LDLRAD3: variants seen among roughly 807,000 people sequenced by gnomAD.
LDLRAD3 encodes low density lipoprotein receptor class A domain containing 3.
In LDLRAD3, 20 loss-of-function variants were observed where a neutral mutation model predicts 29.4. That is an observed-to-expected ratio of 0.68 (90% CI 0.48 to 0.99). The LOEUF (loss-of-function observed/expected upper bound fraction) is 0.99, where lower values mean the gene tolerates loss of function less well. LDLRAD3 is among the 50% of genes least tolerant of loss of function. The pLI is 0.00. For missense variants in LDLRAD3, 420 were observed against 454.3 expected, an observed-to-expected ratio of 0.92 and a Z score of 0.69; for synonymous variants, 157 against 192.7, an observed-to-expected ratio of 0.81 and a Z score of 1.53.
rs1224349903 is a variant in LDLRAD3 at position 36,056,201 on chromosome 11, G to A, written c.193+19952G>A. On this transcript the variant is annotated intron_variant, in intron 2 of 5. Coordinates refer to ENST00000315571, the MANE Select transcript of LDLRAD3 (RefSeq NM_174902.4). ...GTAGAGACAGGGTTTCACCATGTTGGTCAGGCTGGTCTCGAACTCCTGACT... is the reference window on the plus strand; with the variant it reads ...GTAGAGACAGGGTTTCACCATGTTGATCAGGCTGGTCTCGAACTCCTGACT... 2.0e-5 allele frequency among the ~76,000 whole-genome samples: 3 copies of A among 151,986 alleles called. No individual in the cohort carries two copies. In the East Asian group the frequency reaches 5.8e-4, roughly 29 times the overall value.
chr11:36,087,260 GAT>G (rs1218935908), intron 3 of LDLRAD3, among the ~76,000 whole-genome samples: 2 of 152,134 alleles, frequency 1.3e-5, no homozygotes, highest in African/African-American at 2.4e-5. Flanking sequence ...AAAAAATTGA[GAT>G]AGAGAAATTT....
rs1011782860 is a variant in LDLRAD3 at position 36,036,303 on chromosome 11, G to A, written c.193+54G>A. On this transcript the variant is annotated intron_variant, in intron 2 of 5. Transcript: ENST00000315571. ...GGGTGGCAGCCATCCTGGGGCAGAGGGGAGCAGGTCCTGAGCAGGCTTAGA... is the reference window on the plus strand; with the variant it reads ...GGGTGGCAGCCATCCTGGGGCAGAGAGGAGCAGGTCCTGAGCAGGCTTAGA... 1.6e-5 allele frequency: 25 copies of A among 1,607,782 alleles called. No individual in the cohort carries two copies. The African/African-American group carries it at 3.2e-4, about 21-fold the overall frequency.
At chr11:36,067,705 CTG>C (rs1266744710) in intron 2 of LDLRAD3, among the ~76,000 whole-genome samples, 1 of 152,220 alleles carries the variant, frequency 6.6e-6, no homozygotes, top group African/African-American at 2.4e-5. Flanking sequence ...GGATCTTGCT[CTG>C]TCACCCACGC....
At chr11:36,163,140 G>A (rs1854467085) in intron 4 of LDLRAD3, among the ~76,000 whole-genome samples, 2 of 152,264 alleles carry the variant, frequency 1.3e-5, no homozygotes, top group South Asian at 4.1e-4. Flanking sequence ...GGGCGGATCA[G>A]CAAAAGGTCT....
At chr11:36,036,903 A>G (rs887739737) in intron 2 of LDLRAD3, among the ~76,000 whole-genome samples, 11 of 152,098 alleles carry the variant, frequency 7.2e-5, no homozygotes, top group Non-Finnish European at 1.5e-4. Flanking sequence ...CATGACGCCG[A>G]AACATGCATG....
rs1421266763 is a variant in LDLRAD3 at position 36,227,445 on chromosome 11, G to C, written c.800+15G>C. ...CTGGACCAGAGGTGTGTGCTGGATG[G>C]AAGAGATTGAGGCGGGAGAGGTCAT... On this transcript the variant is annotated intron_variant, in intron 5 of 5. Coordinates refer to ENST00000315571, the MANE Select transcript of LDLRAD3 (RefSeq NM_174902.4). The C allele has an allele frequency of 5.2e-6, 8 of 1,525,406 alleles. No individual in the cohort carries two copies. The highest frequency in any genetic ancestry group is 1.4e-5 in the African/African-American group (1 of 72,534). 94.5% of individuals were successfully genotyped at this position (1,525,406 alleles called of 1,614,324 possible). A position where few individuals can be genotyped will look rare whatever the true frequency, so the allele number is the denominator to read the frequency against.
At chr11:36,017,804 A>G (rs538345903) in intron 1 of LDLRAD3, among the ~76,000 whole-genome samples, 9 of 152,272 alleles carry the variant, frequency 5.9e-5, no homozygotes, top group African/African-American at 2.2e-4. Context: ...AATTATAGGC[A>G]TGAGCCACTA....
intron 4 of LDLRAD3, among the ~76,000 whole-genome samples, chr11:36,193,750 G>A (rs1362542780): frequency 6.6e-6 from 1 of 152,130 alleles, no homozygotes; most frequent in Non-Finnish European, 1.5e-5. Context: ...AGCAGCCTTT[G>A]GGGCTATAGC....
chr11:36,020,064 A>T (rs1358987), intron 1 of LDLRAD3, among the ~76,000 whole-genome samples: 15,392 of 152,064 alleles, frequency 0.1, 913 homozygotes, highest in African/African-American at 0.16. Flanking sequence ...ATGTTATCAC[A>T]TGCAAAGTCC....
intron 4 of LDLRAD3, among the ~76,000 whole-genome samples, chr11:36,205,426 A>G (rs1855193129): frequency 6.6e-6 from 1 of 152,156 alleles, no homozygotes; most frequent in Admixed American, 6.5e-5. Flanking sequence ...TCCCTGATGA[A>G]GGGCTGTTGA....
Position 36,071,019 on chromosome 11 carries a change from C to T in LDLRAD3, c.194-10634C>T, listed in dbSNP as rs1007954858. Among the ~76,000 whole-genome samples the T allele has an allele frequency of 4.6e-5, 7 of 152,078 alleles. No homozygotes were observed. The East Asian group carries it at 5.8e-4, about 13-fold the overall frequency. On this transcript the variant is annotated intron_variant, in intron 2 of 5. Transcript: ENST00000315571. The stretch of plus-strand genomic sequence containing the variant: ...CCAGCAAAGATCGATGCCCTGTACC[C>T]GGTGCAAATTTAGAATGATAAAAAG...
Position 36,144,121 on chromosome 11 carries a change from G to A in LDLRAD3, c.454+45660G>A, listed in dbSNP as rs993618737. Among the ~76,000 whole-genome samples, 406 of 152,114 alleles carry A rather than the reference G, an allele frequency of 2.7e-3. 2 individuals are homozygous for A. Among genetic ancestry groups the A allele is most frequent in the African/African-American group, 9.3e-3 (387 of 41,548 alleles). On this transcript the variant is annotated intron_variant, in intron 4 of 5. Coordinates refer to ENST00000315571, the MANE Select transcript of LDLRAD3 (RefSeq NM_174902.4). The stretch of plus-strand genomic sequence containing the variant: ...TTTTCGTATTTTTTTGGTGGAGACG[G>A]GGTTTCGCTGTGTTGGCTGGGCTGG...
At chr11:36,007,417 A>T (rs1851899000) in intron 1 of LDLRAD3, among the ~76,000 whole-genome samples, 1 of 152,138 alleles carries the variant, frequency 6.6e-6, no homozygotes, top group Admixed American at 6.5e-5. Context: ...TCACTTAAGT[A>T]AATTAGAACC....
intron 4 of LDLRAD3, among the ~76,000 whole-genome samples, chr11:36,155,502 G>A (rs1854335284): frequency 6.6e-6 from 1 of 152,132 alleles, no homozygotes; most frequent in African/African-American, 2.4e-5. Context: ...CCCCACGCTG[G>A]CCTCCGTGCC....
chr11:36,223,750 A>C (rs1855460955), intron 4 of LDLRAD3, among the ~76,000 whole-genome samples: 1 of 67,512 alleles, frequency 1.5e-5, no homozygotes, highest in East Asian at 4.0e-4. Flanking sequence ...AAAAGGAATA[A>C]AAAATAAAAA....
chr11:36,089,915 AATT>A (rs1302409730), intron 3 of LDLRAD3, among the ~76,000 whole-genome samples: 1 of 151,892 alleles, frequency 6.6e-6, no homozygotes, highest in Non-Finnish European at 1.5e-5. Flanking sequence ...CCTGGCTAAT[AATT>A]ATTATAATAA....
chr11:36,156,054 G>A lies in LDLRAD3; in HGVS notation c.454+57593G>A, dbSNP rs116417798. On this transcript the variant is annotated intron_variant, in intron 4 of 5. Transcript: ENST00000315571. The stretch of plus-strand genomic sequence containing the variant: ...GTTGCACATTAGAATCACCCAGGGA[G>A]CAGTTTTTAGAGACTCCATACAAGA... Among the ~76,000 whole-genome samples, 671 of 152,302 alleles carry A rather than the reference G, an allele frequency of 4.4e-3. 6 individuals carry two copies. The highest frequency in any genetic ancestry group is 0.016 in the African/African-American group (647 of 41,572).
At chr11:35,971,536 C>T (rs576595342) in intron 1 of LDLRAD3, among the ~76,000 whole-genome samples, 1 of 152,150 alleles carries the variant, frequency 6.6e-6, no homozygotes, top group South Asian at 2.1e-4. Context: ...GAGGAAGGAC[C>T]ATGTGCAGAC....
intron 2 of LDLRAD3, among the ~76,000 whole-genome samples, chr11:36,047,900 C>T (rs1852474213): frequency 1.3e-5 from 2 of 152,176 alleles, no homozygotes; most frequent in African/African-American, 4.8e-5. Context: ...CCCAGCTCTG[C>T]CCCTAGCTAG....
Sources: allele counts gnomAD v4.1 joint callset (sites outside exome capture counted in the v4.1 genomes callset), GRCh38; gene constraint gnomAD v4.1.1; transcripts MANE v1.5; gene names NCBI Gene and HGNC (gene_info 2026-07-23, HGNC 2026-07-21).